The following MYO1C variants were observed in gnomAD, a reference collection of about 807,000 sequenced individuals.
MYO1C encodes the protein myosin IC, also known as unconventional myosin-Ic.
MYO1C carries 104 observed loss-of-function variants against 150.8 expected under a neutral mutation model. The observed-to-expected ratio is 0.69, with a 90% CI of 0.59 to 0.81. The LOEUF (loss-of-function observed/expected upper bound fraction) is 0.81, where lower values mean the gene tolerates loss of function less well. Among genes scored for constraint, MYO1C ranks in the 30% least tolerant of loss-of-function variants. The pLI is 0.00. For synonymous variants in MYO1C, 663 were observed against 579.9 expected (o/e 1.14, Z -2.06); for missense variants, 1,504 against 1,435.0 (o/e 1.05, Z -0.78).
intron 25 of MYO1C, chr17:1,469,234 G>A (rs1385848404): frequency 1.1e-5 from 5 of 445,100 alleles, no homozygotes; most frequent in South Asian, 8.2e-5. Context: ...GTAGACCGGG[G>A]TCAATACTAT....
Position 1,483,674 on chromosome 17 carries a change from T to C in MYO1C, c.283A>G (p.Ile95Val). 6.2e-7 allele frequency: 1 copy of C among 1,613,258 alleles called. No homozygotes were observed. Among genetic ancestry groups the C allele is most frequent in the Non-Finnish European group, 8.5e-7 (1 of 1,179,794 alleles). The change falls in exon 3 of 32, where the codon ATC becomes GTC. Residue 95 changes from isoleucine (I) to valine (V), a missense_variant. Ile to Val is a conservative substitution (Grantham distance 29). Coordinates refer to ENST00000648651, the MANE Select transcript of MYO1C (RefSeq NM_001080779.2). ...CGCTCCATATGCTGCCGGCTGTAGA[T>C]CTGCAGGTCCCGGTAGGGATTGACA... ...VSVNPYRDLQIYSRQHMERYR... is the reference protein window; with the variant it reads ...VSVNPYRDLQVYSRQHMERYR...
chr17:1,473,474 A>G (rs1417140221), intron 17 of MYO1C, among the ~76,000 whole-genome samples: 1 of 151,620 alleles, frequency 6.6e-6, no homozygotes, highest in East Asian at 1.9e-4. Flanking sequence ...GGTGGGGTGG[A>G]CGGCAGCAGC....
intron 1 of MYO1C, among the ~76,000 whole-genome samples, chr17:1,488,377 C>T (rs1423631993): frequency 6.6e-6 from 1 of 152,194 alleles, no homozygotes; most frequent in Admixed American, 6.5e-5. Flanking sequence ...CCTCACTGGA[C>T]GGAAGCGCGA....
In MYO1C at chr17:1,470,160, G is replaced by A; in HGVS notation, c.2526+15C>T. On this transcript the variant is annotated intron_variant, in intron 24 of 31. Transcript: ENST00000648651. Reference sequence around the variant, plus strand: ...ACTATGATGGTCCCTAACTTGGCAGGGGGTGCCCACAGACCTCACGCAGGG... The same window carrying A: ...ACTATGATGGTCCCTAACTTGGCAGAGGGTGCCCACAGACCTCACGCAGGG... 6.2e-7 allele frequency: 1 copy of A among 1,603,476 alleles called. No individual in the cohort carries two copies. The highest frequency in any genetic ancestry group is 1.1e-5 in the South Asian group (1 of 89,996).
rs112139529 is a variant in MYO1C, at chr17:1,478,377, C to G, written c.1295+33G>C. 2 of 1,612,588 alleles carry G rather than the reference C, an allele frequency of 1.2e-6. No individual in the cohort carries two copies. Among genetic ancestry groups the G allele is most frequent in the Non-Finnish European group, 1.7e-6 (2 of 1,178,724 alleles). ...GAAGAGAGGGAGCAGGACAGGAGAC[C>G]GGGAGGAGAGACGGGGGAAAGATGG... On this transcript the variant is annotated intron_variant, in intron 11 of 31. Coordinates refer to ENST00000648651, the MANE Select transcript of MYO1C (RefSeq NM_001080779.2). This position sits in a 1 kb window ranked among gnomAD's most constrained non-coding sequence, Gnocchi z 6.3.
rs570776943 is a variant in MYO1C, at chr17:1,467,677, A to G, written c.2968-100T>C. The G allele has an allele frequency of 3.6e-3, 1,593 of 437,166 alleles. 24 individuals are homozygous for G. In the African/African-American group the frequency reaches 0.086, roughly 24 times the overall value. The allele number at this position is 437,166 out of a possible 1,614,324, so 27.1% of individuals were successfully genotyped here. A position where few individuals can be genotyped will look rare whatever the true frequency, so the allele number is the denominator to read the frequency against. On this transcript the variant is annotated intron_variant, in intron 29 of 31. Coordinates refer to ENST00000648651, the MANE Select transcript of MYO1C (RefSeq NM_001080779.2). ...CCTCCTGACCCCCAAATCCACCCCC[A>G]TCCACCCTCCCACCTCCCCATCCAC... is the stretch of plus-strand genomic sequence containing the variant.
intron 13 of MYO1C, 92 bp from the exon 14 acceptor site, chr17:1,477,688 G>A: frequency 9.0e-7 from 1 of 1,108,432 alleles, no homozygotes; most frequent in South Asian, 1.3e-5. Context: ...CACAGACACA[G>A]GGGAGGGGCA....
chr17:1,468,926 C>A, intron 25 of MYO1C: 1 of 302,238 alleles, frequency 3.3e-6, no homozygotes, highest in East Asian at 8.4e-5. Context: ...TATCACCAAT[C>A]GACCCGAGTG....
chr17:1,477,331 G>A lies in MYO1C; in HGVS notation c.1574+174C>T, dbSNP rs901653711. 16 of 658,414 alleles carry A rather than the reference G, an allele frequency of 2.4e-5. No homozygotes were observed. The Admixed American group carries it at 3.3e-4, about 14-fold the overall frequency. The allele number at this position is 658,414 out of a possible 1,614,324, so 40.8% of individuals were successfully genotyped here. ...CATAGATGGGACTCCAGGCGTGTCA[G>A]CATGCCTGGCTAAGCTTCTTAGTTT... On this transcript the variant is annotated intron_variant, in intron 14 of 31. Coordinates refer to ENST00000648651, the MANE Select transcript of MYO1C (RefSeq NM_001080779.2).
Position 1,477,963 on chromosome 17 carries a change from G to T in MYO1C, c.1410C>A (p.Pro470=), listed in dbSNP as rs200071862. The T allele has an allele frequency of 3.7e-6, 6 of 1,614,082 alleles. No homozygotes were observed. The highest frequency in any genetic ancestry group is 4.2e-6 in the Non-Finnish European group (5 of 1,179,970). ...EYEAEGIAWE[P]VQYFNNKIIC... ...TGATTTTGTTGTTGAAATACTGGAC[G>T]GGCTCCCACTGAGGGGCAGAAGGGA... is the stretch of plus-strand genomic sequence containing the variant. The change falls in exon 13 of 32, where the codon CCC becomes CCA. Residue 470 remains proline (P), a synonymous_variant. Coordinates refer to ENST00000648651, the MANE Select transcript of MYO1C (RefSeq NM_001080779.2).
chr17:1,470,206 G>A lies in MYO1C; in HGVS notation c.2495C>T (p.Ser832Leu), dbSNP rs528249952. ...CAGGGCAGGTGGGGGCGTGGGCCAC[G>A]AGGTGTCCAGGACATTCTGGGGCAG... is the stretch of plus-strand genomic sequence containing the variant. Reference protein sequence around the residue: ...RQLPQNVLDTSWPTPPPALRE... With the variant: ...RQLPQNVLDTLWPTPPPALRE... The change falls in exon 24 of 32, where the codon TCG (serine) becomes TTG (leucine). Residue 832 changes from serine (S) to leucine (L), a missense_variant. Physicochemically the swap from Ser to Leu is moderately radical, Grantham distance 145 (BLOSUM62 -2). Transcript: ENST00000648651. The A allele has an allele frequency of 2.5e-6, 4 of 1,611,630 alleles. No individual in the cohort carries two copies. Among genetic ancestry groups the A allele is most frequent in the South Asian group, 2.2e-5 (2 of 90,900 alleles).
chr17:1,472,644 C>A (rs1367038018), intron 17 of MYO1C, among the ~76,000 whole-genome samples: 3 of 152,218 alleles, frequency 2.0e-5, no homozygotes. Flanking sequence ...GGAGCACGCT[C>A]CTTGGCAAAG....
chr17:1,478,880 G>A lies in MYO1C; in HGVS notation c.1093-145C>T. ...TGCAGTATGGGGAGGGGTGCTGGTAGTGGGACCTCAGGGAGGACAGGTGGC... is the reference window on the plus strand; with the variant it reads ...TGCAGTATGGGGAGGGGTGCTGGTAATGGGACCTCAGGGAGGACAGGTGGC... On this transcript the variant is annotated intron_variant, in intron 9 of 31. Transcript: ENST00000648651. The surrounding 1 kb of genome is among the most constrained non-coding windows in gnomAD (Gnocchi z 6.3). The A allele has an allele frequency of 1.5e-6, 2 of 1,356,160 alleles. No homozygotes were observed. Among genetic ancestry groups the A allele is most frequent in the Non-Finnish European group, 2.0e-6 (2 of 984,366 alleles). 84.0% of individuals were successfully genotyped at this position (1,356,160 alleles called of 1,614,324 possible).
chr17:1,474,909 C>G (rs757477193), intron 15 of MYO1C, 29 bp downstream of exon 15: 2 of 1,611,688 alleles, frequency 1.2e-6, no homozygotes, highest in Non-Finnish European at 1.7e-6. Context: ...CCGCAGGCCC[C>G]TGTGGGGACA....
chr17:1,468,375 T>G lies in MYO1C; in HGVS notation c.2704+28A>C, dbSNP rs556400941. ...GGGGGACCAGGATGGTGACGAAAGG[T>G]CTGAGTGCTGGAAAGTCAGGGGCTC... On this transcript the variant is annotated intron_variant, in intron 26 of 31. Coordinates refer to ENST00000648651, the MANE Select transcript of MYO1C (RefSeq NM_001080779.2). The G allele has an allele frequency of 7.4e-6, 12 of 1,613,476 alleles. No individual in the cohort carries two copies. The African/African-American group carries it at 1.6e-4, about 22-fold the overall frequency.
Position 1,484,130 on chromosome 17 carries a change from T to G in MYO1C, c.231+18A>C. 1 of 1,611,440 alleles carries G rather than the reference T, an allele frequency of 6.2e-7. No homozygotes were observed. The highest frequency in any genetic ancestry group is 1.3e-5 in the African/African-American group (1 of 74,842). On this transcript the variant is annotated intron_variant, in intron 2 of 31. Transcript: ENST00000648651. ...CTGTGACCCCAGCACCCCTGCCATCTCCCCACAAGGGCCTCACGTAGATGA... is the reference window on the plus strand; with the variant it reads ...CTGTGACCCCAGCACCCCTGCCATCGCCCCACAAGGGCCTCACGTAGATGA...
intron 14 of MYO1C, among the ~76,000 whole-genome samples, chr17:1,476,268 C>T (rs2074401816): frequency 6.6e-6 from 1 of 151,914 alleles, no homozygotes; most frequent in Admixed American, 6.6e-5. Flanking sequence ...AAGCTCCGCC[C>T]CCCAGGTTCA....
Position 1,479,205 on chromosome 17 carries a change from A to G in MYO1C, c.1092+226T>C, listed in dbSNP as rs1044451015. 6.6e-6 allele frequency among the ~76,000 whole-genome samples: 1 copy of G among 151,972 alleles called. No homozygotes were observed. Among genetic ancestry groups the G allele is most frequent in the East Asian group, 1.9e-4 (1 of 5,174 alleles). On this transcript the variant is annotated intron_variant, in intron 9 of 31. Transcript: ENST00000648651. This position sits in a 1 kb window ranked among gnomAD's most constrained non-coding sequence, Gnocchi z 4.2. ...ATGGGGTTTCACCATGTTGGCCAAGATGGTCTCGAACTCCTGACCTCAGGT... is the reference window on the plus strand; with the variant it reads ...ATGGGGTTTCACCATGTTGGCCAAGGTGGTCTCGAACTCCTGACCTCAGGT...
Position 1,492,311 on chromosome 17 carries a change from T to C in MYO1C, c.75+102A>G. On this transcript the variant is annotated intron_variant, in intron 1 of 31. Coordinates refer to ENST00000648651, the MANE Select transcript of MYO1C (RefSeq NM_001080779.2). ...TGGCCCCGCCAAGGATCGGAACCCC[T>C]CCCCGCTGCTCAGCTCTTGCCCGAG... 4 of 1,193,434 alleles carry C rather than the reference T, an allele frequency of 3.4e-6. No homozygotes were observed. In the South Asian group the frequency reaches 5.2e-5, roughly 16 times the overall value. The allele number at this position is 1,193,434 out of a possible 1,614,324, so 73.9% of individuals were successfully genotyped here. A position where few individuals can be genotyped will look rare whatever the true frequency, so the allele number is the denominator to read the frequency against.
Sources: allele counts gnomAD v4.1 joint callset (sites outside exome capture counted in the v4.1 genomes callset), GRCh38; gene constraint gnomAD v4.1.1; non-coding constraint Gnocchi (gnomAD v3.1); transcripts MANE v1.5; gene names NCBI Gene and HGNC (gene_info 2026-07-23, HGNC 2026-07-21).